PAFAH1B3: variants seen among roughly 807,000 people sequenced by gnomAD.
PAFAH1B3 encodes the protein platelet activating factor acetylhydrolase 1b catalytic subunit 3.
Under a neutral mutation model 24.4 loss-of-function variants are expected in PAFAH1B3, and 15 were observed. The observed-to-expected ratio is 0.62, with a 90% confidence interval of 0.41 to 0.95. The LOEUF (loss-of-function observed/expected upper bound fraction) is 0.95. Ranked by LOEUF, PAFAH1B3 falls within the 40% of genes least tolerant of loss-of-function variation. PAFAH1B3 has a pLI of 0.00. For synonymous variants in PAFAH1B3, 144 were observed against 126.5 expected, an observed-to-expected ratio of 1.14 and a Z score of -0.93; for missense variants, 266 against 312.2, an observed-to-expected ratio of 0.85 and a Z score of 1.12.
rs774238384 is a variant in PAFAH1B3 at position 42,299,035 on chromosome 19, G to A, written c.408+935C>T. On this transcript the variant is annotated intron_variant, in intron 4 of 4. Coordinates refer to ENST00000262890, the MANE Select transcript of PAFAH1B3 (RefSeq NM_002573.4). ...TCACCTTGTTAGCCAGGATGGTCTC[G>A]ATCTCCTGACTTTGTGATCCACCCT... Among the ~76,000 whole-genome samples the A allele has an allele frequency of 2.3e-4, 35 of 150,738 alleles. No homozygotes were observed. The Middle Eastern group carries it at 0.011, about 46-fold the overall frequency.
At chr19:42,302,169 C>T in intron 1 of PAFAH1B3, 63 bp downstream of exon 1, 1 of 1,511,120 alleles carries the variant, frequency 6.6e-7, no homozygotes, top group Non-Finnish European at 9.0e-7. Flanking sequence ...CACGAACCAG[C>T]CGTTCTCCTG....
chr19:42,301,330 G>A (rs1046506804), intron 2 of PAFAH1B3, among the ~76,000 whole-genome samples: 5 of 152,196 alleles, frequency 3.3e-5, no homozygotes, highest in African/African-American at 1.2e-4. Flanking sequence ...CCAGGAGGCA[G>A]AGGTTGCAGT....
In PAFAH1B3 at chr19:42,300,228, G is replaced by C. The variant is rs2038597486; in HGVS notation, c.228C>G (p.Gly76=). The change falls in exon 3 of 5, where the codon GGC becomes GGG. Residue 76 remains glycine, a synonymous_variant. Coordinates refer to ENST00000262890, the MANE Select transcript of PAFAH1B3 (RefSeq NM_002573.4). Reference sequence around the variant, plus strand: ...CCAGCCGCCACAGTACATGCTGTGTGCCGTCACCACCAATGCCAAAGTTAA... The same window carrying C: ...CCAGCCGCCACAGTACATGCTGTGTCCCGTCACCACCAATGCCAAAGTTAA... ...HALNFGIGGD[G]TQHVLWRLEN... The C allele has an allele frequency of 1.9e-6, 3 of 1,614,242 alleles. No homozygotes were observed. In the South Asian group the frequency reaches 3.3e-5, roughly 18 times the overall value.
At chr19:42,302,178 T>C (rs1364601450) in intron 1 of PAFAH1B3, 54 bp downstream of exon 1, 15 of 1,527,788 alleles carry the variant, frequency 9.8e-6, no homozygotes, top group Non-Finnish European at 1.3e-5. Flanking sequence ...GCCGTTCTCC[T>C]GAGCCACCCC....
At chr19:42,302,118 C>T in intron 1 of PAFAH1B3, 79 bp from the exon 2 acceptor site, 1 of 1,487,522 alleles carries the variant, frequency 6.7e-7, no homozygotes, top group Non-Finnish European at 9.2e-7. Flanking sequence ...GGCAGCGCCT[C>T]CTCAACTGCC....
Position 42,302,418 on chromosome 19 carries a change from C to T in PAFAH1B3, c.-109G>A, listed in dbSNP as rs570602740. On this transcript the variant is annotated 5_prime_UTR_variant, in exon 1 of 5. Transcript: ENST00000262890. ...CCTACCCCTCGCGGCAACAAAGGAC[C>T]GTCCCAACGCTAGCACACCCGCGGA... The T allele has an allele frequency of 1.8e-5, 18 of 980,488 alleles. No homozygotes were observed. Among genetic ancestry groups the T allele is most frequent in the Non-Finnish European group, 2.5e-5 (17 of 671,434 alleles). 60.7% of individuals were successfully genotyped at this position (980,488 alleles called of 1,614,324 possible).
intron 4 of PAFAH1B3, among the ~76,000 whole-genome samples, chr19:42,297,570 G>A (rs184897224): frequency 2.7e-5 from 4 of 149,136 alleles, no homozygotes; most frequent in Non-Finnish European, 3.0e-5. Context: ...ACCCTCTTTC[G>A]TTTTCTTTTT....
Position 42,300,158 on chromosome 19 carries a change from A to G in PAFAH1B3, c.285+13T>C, listed in dbSNP as rs768483779. ...CAAAAGATGTTTTAGAGCCCCACCC[A>G]AGCCCCGCTCACCTTGGGCCGGATG... On this transcript the variant is annotated intron_variant, in intron 3 of 4. Coordinates refer to ENST00000262890, the MANE Select transcript of PAFAH1B3 (RefSeq NM_002573.4). 7.4e-6 allele frequency: 12 copies of G among 1,613,998 alleles called. No homozygotes were observed. In the Admixed American group the frequency reaches 2.0e-4, roughly 27 times the overall value.
At chr19:42,299,261 C>T (rs917236389) in intron 4 of PAFAH1B3, among the ~76,000 whole-genome samples, 4 of 151,970 alleles carry the variant, frequency 2.6e-5, no homozygotes, top group African/African-American at 9.7e-5. Context: ...GGATTATAGG[C>T]ATGTGCCACC....
chr19:42,302,652 G>A (rs1034133860), upstream of PAFAH1B3: 23 of 315,980 alleles, frequency 7.3e-5, no homozygotes, highest in Admixed American at 2.4e-4. Context: ...TCCCGAGGCG[G>A]GGAGGAGGGA....
intron 1 of PAFAH1B3, 47 bp from the exon 2 acceptor site, chr19:42,302,086 C>T: frequency 1.3e-6 from 2 of 1,525,070 alleles, no homozygotes; most frequent in South Asian, 1.2e-5. Context: ...CGCTCCAGGG[C>T]CCGCCCCGCC....
intron 4 of PAFAH1B3, among the ~76,000 whole-genome samples, 196 bp from the exon 5 acceptor site, chr19:42,297,561 C>T (rs543816410): frequency 1.3e-5 from 2 of 151,800 alleles, no homozygotes; most frequent in South Asian, 2.1e-4. Flanking sequence ...CTGGGTTTTA[C>T]CCTCTTTCGT....
chr19:42,302,355 G>A lies in PAFAH1B3; in HGVS notation c.-46C>T. 1 of 1,529,462 alleles carries A rather than the reference G, an allele frequency of 6.5e-7. No homozygotes were observed. Among genetic ancestry groups the A allele is most frequent in the Non-Finnish European group, 8.8e-7 (1 of 1,133,302 alleles). 94.7% of individuals were successfully genotyped at this position (1,529,462 alleles called of 1,614,324 possible). A position where few individuals can be genotyped will look rare whatever the true frequency, so the allele number is the denominator to read the frequency against. ...AGGATGAGCGAGTCGGGTCGGCCCG[G>A]GAGTGTTCCGAACGGAGCTGGCTCC... On this transcript the variant is annotated 5_prime_UTR_variant, in exon 1 of 5. Coordinates refer to ENST00000262890, the MANE Select transcript of PAFAH1B3 (RefSeq NM_002573.4).
chr19:42,297,441 C>T, intron 4 of PAFAH1B3, 76 bp from the exon 5 acceptor site: 1 of 1,386,888 alleles, frequency 7.2e-7, no homozygotes, highest in Non-Finnish European at 1.0e-6. Flanking sequence ...TGTCCTCCAC[C>T]CACCACCATG....
Position 42,300,196 on chromosome 19 carries a change from C to T in PAFAH1B3, c.260G>A (p.Gly87Glu), listed in dbSNP as rs761063773. The T allele has an allele frequency of 1.2e-6, 2 of 1,614,242 alleles. No homozygotes were observed. Among genetic ancestry groups the T allele is most frequent in the South Asian group, 2.2e-5 (2 of 91,084 alleles). Residue 87 changes from glycine to glutamate, a missense_variant, in exon 3 of 5, where the codon GGG becomes GAG. By Grantham distance (98) the Gly-to-Glu change is moderately conservative. Transcript: ENST00000262890. ...TQHVLWRLEN[G>E]ELEHIRPKIV... ...CTTGGGCCGGATGTGTTCCAGCTCCCCATTCTCCAGCCGCCACAGTACATG... is the reference window on the plus strand; with the variant it reads ...CTTGGGCCGGATGTGTTCCAGCTCCTCATTCTCCAGCCGCCACAGTACATG...
At position 42,299,983 on chromosome 19, in the gene PAFAH1B3, C is replaced by A. The variant is rs141406696; in HGVS notation, c.395G>T (p.Arg132Leu). 6.2e-7 allele frequency: 1 copy of A among 1,614,146 alleles called. No individual in the cohort carries two copies. Among genetic ancestry groups the A allele is most frequent in the Non-Finnish European group, 8.5e-7 (1 of 1,180,044 alleles). Residue 132 changes from arginine (R) to leucine (L), a missense_variant, in exon 4 of 5, where the codon CGG becomes CTG. Arg to Leu is a moderately radical substitution (Grantham distance 102). Coordinates refer to ENST00000262890, the MANE Select transcript of PAFAH1B3 (RefSeq NM_002573.4). ...QLVNERQPQA[R>L]VVVLGLLPRG... ...CCAGCCTCTCACCAGCACCACAACC[C>A]GGGCCTGGGGCTGTCGCTCATTCAC... is the stretch of plus-strand genomic sequence containing the variant.
At position 42,300,171 on chromosome 19, in the gene PAFAH1B3, C is replaced by G; in HGVS notation, c.285G>C (p.Lys95Asn). 6.2e-7 allele frequency: 1 copy of G among 1,614,242 alleles called. No homozygotes were observed. Among genetic ancestry groups the G allele is most frequent in the Non-Finnish European group, 8.5e-7 (1 of 1,180,046 alleles). ...AGAGCCCCACCCAAGCCCCGCTCAC[C>G]TTGGGCCGGATGTGTTCCAGCTCCC... Reference protein sequence around the residue: ...ENGELEHIRPKIVVVWVGTNN... With the variant: ...ENGELEHIRPNIVVVWVGTNN... Residue 95 changes from lysine to asparagine, a missense_variant and splice_region_variant, in exon 3 of 5, where the codon AAG becomes AAC. Transcript: ENST00000262890.
Position 42,297,045 on chromosome 19 carries a change from A to G in PAFAH1B3, c.*33T>C. 1 of 1,580,744 alleles carries G rather than the reference A, an allele frequency of 6.3e-7. No homozygotes were observed. The highest frequency in any genetic ancestry group is 1.3e-5 in the African/African-American group (1 of 74,420). On this transcript the variant is annotated 3_prime_UTR_variant, in exon 5 of 5. Transcript: ENST00000262890. ...GCAGGAAACAGCACACTGAGGAAGG[A>G]GAGTTTAATGTTGTGGGAAGGCAGC...
In PAFAH1B3 at chr19:42,302,391, C is replaced by T; in HGVS notation, c.-82G>A. On this transcript the variant is annotated 5_prime_UTR_variant, in exon 1 of 5. In the 5' UTR this introduces an upstream ATG that the reference lacks. Coordinates refer to ENST00000262890, the MANE Select transcript of PAFAH1B3 (RefSeq NM_002573.4). The stretch of plus-strand genomic sequence containing the variant: ...AACGGAGCTGGCTCCGCCACGCCCA[C>T]TCCTACCCCTCGCGGCAACAAAGGA... 1 of 1,260,726 alleles carries T rather than the reference C, an allele frequency of 7.9e-7. No homozygotes were observed. 78.1% of individuals were successfully genotyped at this position (1,260,726 alleles called of 1,614,324 possible).
Sources: gnomAD v4.1 joint callset for allele counts (sites outside exome capture counted in the v4.1 genomes callset) on GRCh38, gnomAD v4.1.1 for gene constraint, MANE v1.5 for transcripts, NCBI Gene and HGNC (gene_info 2026-07-23, HGNC 2026-07-21) for gene names.